The following OSBPL1A variants were observed in gnomAD, a reference collection of about 807,000 sequenced individuals.
OSBPL1A encodes oxysterol-binding protein-related protein 1.
A neutral mutation model predicts 137.1 loss-of-function variants in OSBPL1A; 80 were observed. The ratio of observed to expected loss-of-function variants is 0.58; its 90% CI spans 0.49 to 0.70. OSBPL1A has a LOEUF of 0.70. OSBPL1A is among the 30% of genes least tolerant of loss of function. The probability of loss-of-function intolerance (pLI) is 0.00; values close to 1 mark genes in which losing one functional copy is unlikely to be tolerated. For synonymous variants in OSBPL1A, 365 were observed against 389.7 expected, an observed-to-expected ratio of 0.94 and a Z score of 0.75; for missense variants, 970 against 1,129.4, an observed-to-expected ratio of 0.86 and a Z score of 2.02.
At chr18:24,235,337 T>A (rs1404712525) in intron 16 of OSBPL1A, among the ~76,000 whole-genome samples, 1 of 152,206 alleles carries the variant, frequency 6.6e-6, no homozygotes, top group African/African-American at 2.4e-5. Context: ...TATTAGTTAA[T>A]TCTTTGCAAT....
intron 14 of OSBPL1A, among the ~76,000 whole-genome samples, chr18:24,290,170 G>A (rs1367407621): frequency 1.3e-5 from 2 of 151,984 alleles, no homozygotes; most frequent in African/African-American, 4.8e-5. Flanking sequence ...AGCAGACTAG[G>A]CTGATGGGAC....
At chr18:24,330,129 T>C (rs2091049709) in intron 7 of OSBPL1A, among the ~76,000 whole-genome samples, 2 of 152,170 alleles carry the variant, frequency 1.3e-5, no homozygotes, top group Non-Finnish European at 1.5e-5. Flanking sequence ...AATAAATGTG[T>C]CTTGCTCCTT....
intron 14 of OSBPL1A, among the ~76,000 whole-genome samples, chr18:24,283,455 A>C (rs1418706947): frequency 1.3e-5 from 2 of 151,782 alleles, no homozygotes; most frequent in Non-Finnish European, 2.9e-5. Flanking sequence ...ACTAATTGAA[A>C]ACTACCATAT....
intron 15 of OSBPL1A, among the ~76,000 whole-genome samples, chr18:24,252,451 A>C (rs2089125232): frequency 6.6e-6 from 1 of 152,036 alleles, no homozygotes; most frequent in Non-Finnish European, 1.5e-5. Flanking sequence ...AAAAACTCTT[A>C]CCCTAGAATA....
chr18:24,358,282 G>T, intron 4 of OSBPL1A: 2 of 590,646 alleles, frequency 3.4e-6, no homozygotes, highest in Admixed American at 3.1e-5. Context: ...CTGTCCCAGT[G>T]TATAAAGGCC....
intron 5 of OSBPL1A, among the ~76,000 whole-genome samples, chr18:24,340,822 G>A (rs941059369): frequency 1.3e-5 from 2 of 152,028 alleles, no homozygotes; most frequent in Non-Finnish European, 2.9e-5. Flanking sequence ...AACATCAAGT[G>A]ACTCCCAAAA....
At chr18:24,392,157 G>C (rs2144287762) in intron 1 of OSBPL1A, among the ~76,000 whole-genome samples, 1 of 148,166 alleles carries the variant, frequency 6.7e-6, no homozygotes, top group South Asian at 2.2e-4. Flanking sequence ...CATCCAGCCA[G>C]CATTTGTACT....
intron 16 of OSBPL1A, among the ~76,000 whole-genome samples, chr18:24,235,140 T>C (rs1323894536): frequency 6.6e-6 from 1 of 152,144 alleles, no homozygotes; most frequent in African/African-American, 2.4e-5. Flanking sequence ...TGCGATGATG[T>C]GATTGTCAAC....
At chr18:24,290,125 T>G in intron 14 of OSBPL1A, among the ~76,000 whole-genome samples, 1 of 152,078 alleles carries the variant, frequency 6.6e-6, no homozygotes, top group East Asian at 1.9e-4. Flanking sequence ...TGACATGTTT[T>G]ATATTAGAAA....
chr18:24,318,251 C>T (rs1257402390), intron 9 of OSBPL1A, among the ~76,000 whole-genome samples: 1 of 152,144 alleles, frequency 6.6e-6, no homozygotes, highest in East Asian at 1.9e-4. Context: ...CAAGACCAGC[C>T]TGGCCAAGGT....
At chr18:24,207,038 G>T (rs564518024) in intron 17 of OSBPL1A, among the ~76,000 whole-genome samples, 9 of 152,136 alleles carry the variant, frequency 5.9e-5, no homozygotes, top group Non-Finnish European at 1.2e-4. Flanking sequence ...TGGAGCCAAA[G>T]AAAGAAAAAC....
chr18:24,311,502 A>C (rs1477564900), intron 13 of OSBPL1A: 3 of 986,614 alleles, frequency 3.0e-6, no homozygotes, highest in Admixed American at 6.0e-5. Context: ...ACTTCAGAAG[A>C]CTTCTCCATT....
At chr18:24,267,445 G>C (rs1163950854) in intron 15 of OSBPL1A, among the ~76,000 whole-genome samples, 1 of 152,020 alleles carries the variant, frequency 6.6e-6, no homozygotes, top group East Asian at 1.9e-4. Context: ...GTATAACCTT[G>C]ATATTAAACC....
At chr18:24,385,641 G>A (rs1444656314) in intron 1 of OSBPL1A, among the ~76,000 whole-genome samples, 1 of 152,066 alleles carries the variant, frequency 6.6e-6, no homozygotes, top group African/African-American at 2.4e-5. Flanking sequence ...GAAAGAAAGG[G>A]CAAGAAAGAC....
rs144732848 is a variant in OSBPL1A, at chr18:24,358,489, T to C, written c.282+8403A>G. The C allele has an allele frequency of 3.6e-4, 252 of 702,374 alleles. No individual in the cohort carries two copies. In the African/African-American group the frequency reaches 3.9e-3, roughly 11 times the overall value. 43.5% of individuals were successfully genotyped at this position (702,374 alleles called of 1,614,324 possible). A position where few individuals can be genotyped will look rare whatever the true frequency, so the allele number is the denominator to read the frequency against. On this transcript the variant is annotated intron_variant, in intron 4 of 27. Coordinates refer to ENST00000319481, the MANE Select transcript of OSBPL1A (RefSeq NM_080597.4). Reference sequence around the variant, plus strand: ...TAAACCTGCTGCCCACTCATCTCCATCTCAGCTTCCCTGAGAACAGATCTA... The same window carrying C: ...TAAACCTGCTGCCCACTCATCTCCACCTCAGCTTCCCTGAGAACAGATCTA...
At chr18:24,174,851 C>A (rs1038010034) in intron 21 of OSBPL1A, among the ~76,000 whole-genome samples, 2 of 151,874 alleles carry the variant, frequency 1.3e-5, no homozygotes, top group African/African-American at 2.4e-5. Flanking sequence ...TAGCTCACTG[C>A]AGCCTCGAAC....
At chr18:24,394,331 T>G (rs371266626) in intron 1 of OSBPL1A, among the ~76,000 whole-genome samples, 1 of 152,210 alleles carries the variant, frequency 6.6e-6, no homozygotes, top group South Asian at 2.1e-4. Context: ...TTTTAATGTT[T>G]CTTAAAATTA....
chr18:24,290,507 C>T (rs1344502750), intron 14 of OSBPL1A, among the ~76,000 whole-genome samples: 1 of 152,046 alleles, frequency 6.6e-6, no homozygotes, highest in African/African-American at 2.4e-5. Context: ...ACGATAAAAC[C>T]CTGTCTTTAC....
chr18:24,239,152 G>A lies in OSBPL1A; in HGVS notation c.1444+68C>T. On this transcript the variant is annotated intron_variant, in intron 16 of 27. Transcript: ENST00000319481. The stretch of plus-strand genomic sequence containing the variant: ...CTGCTCTAAGGTGGTGGACTCAAGG[G>A]GACATTGCTCATTTAGGTGGTGGAC... 5 of 1,563,730 alleles carry A rather than the reference G, an allele frequency of 3.2e-6. No individual in the cohort carries two copies. The South Asian group carries it at 3.6e-5, about 11-fold the overall frequency.
Sources: gnomAD v4.1 joint callset for allele counts (sites outside exome capture counted in the v4.1 genomes callset) on GRCh38, gnomAD v4.1.1 for gene constraint, MANE v1.5 for transcripts, NCBI Gene and HGNC (gene_info 2026-07-23, HGNC 2026-07-21) for gene names.